THRB: variants seen among roughly 807,000 people sequenced by gnomAD.
THRB encodes the protein nuclear receptor subfamily 1 group A member 2.
Under a neutral mutation model 47.8 loss-of-function variants are expected in THRB, and 12 were observed. That is an observed-to-expected ratio of 0.25 (90% CI 0.16 to 0.41). The LOEUF (loss-of-function observed/expected upper bound fraction) is 0.41. Among genes scored for constraint, THRB ranks in the 10% least tolerant of loss-of-function variants. The pLI is 1.00. For synonymous variants in THRB, 218 were observed against 212.2 expected, an observed-to-expected ratio of 1.03 and a Z score of -0.24; for missense variants, 348 against 589.2, an observed-to-expected ratio of 0.59 and a Z score of 4.24.
chr3:24,264,993 A>G, intron 3 of THRB, among the ~76,000 whole-genome samples: 1 of 152,186 alleles, frequency 6.6e-6, no homozygotes, highest in East Asian at 1.9e-4. Flanking sequence ...CTATGAAGAA[A>G]ATAAAGCAGA....
chr3:24,234,144 T>C (rs948735224), intron 3 of THRB, among the ~76,000 whole-genome samples: 2 of 152,212 alleles, frequency 1.3e-5, no homozygotes, highest in African/African-American at 4.8e-5. Flanking sequence ...TCTCAACTAT[T>C]AGGGAGTGTG....
chr3:24,218,089 A>C (rs2046763840), intron 4 of THRB, among the ~76,000 whole-genome samples: 1 of 151,654 alleles, frequency 6.6e-6, no homozygotes, highest in Admixed American at 6.6e-5. Flanking sequence ...ATACCGTGAA[A>C]CCTCGTCTCT....
In THRB at chr3:24,341,930, G is replaced by C. The variant is rs1391287549; in HGVS notation, c.-260-4559C>G. Among the ~76,000 whole-genome samples the C allele has an allele frequency of 2.0e-5, 3 of 152,186 alleles. No individual in the cohort carries two copies. The East Asian group carries it at 5.8e-4, about 29-fold the overall frequency. On this transcript the variant is annotated intron_variant, in intron 1 of 10. Transcript: ENST00000646209. ...GTCCCATCCATATAAGACAGCCCAA[G>C]GAAGATGAGCAGAGTCACCTAGCTG...
At chr3:24,367,235 T>C (rs2064540973) in intron 1 of THRB, among the ~76,000 whole-genome samples, 1 of 152,146 alleles carries the variant, frequency 6.6e-6, no homozygotes. Context: ...TGAAGAGGGA[T>C]TGAGCATTTG....
chr3:24,393,768 A>C lies in THRB; in HGVS notation c.-260-56397T>G, dbSNP rs1241189010. Among the ~76,000 whole-genome samples the C allele has an allele frequency of 5.9e-5, 9 of 152,294 alleles. No homozygotes were observed. In the Middle Eastern group the frequency reaches 0.01, roughly 173 times the overall value. On this transcript the variant is annotated intron_variant, in intron 1 of 10. Coordinates refer to ENST00000646209, the MANE Select transcript of THRB (RefSeq NM_001354712.2). ...AAAGGTGAGGTCCTATCCTCTGCCA[A>C]AGAATGAAGACTTTACAACCACTTA...
intron 1 of THRB, among the ~76,000 whole-genome samples, chr3:24,417,937 A>T (rs2068896079): frequency 6.6e-6 from 1 of 151,916 alleles, no homozygotes. Context: ...GCAGAGTCAC[A>T]TTCAAACCCA....
rs188769429 is a variant in THRB at position 24,471,579 on chromosome 3, G to C, written c.-261+23073C>G. ...CCACACTCTGTAGTGGAGCATTTTG[G>C]CTCTCCTTCCCAGCTTTGTGGCCCT... On this transcript the variant is annotated intron_variant, in intron 1 of 10. Transcript: ENST00000646209. Among the ~76,000 whole-genome samples the C allele has an allele frequency of 4.0e-3, 610 of 152,096 alleles. 4 individuals carry two copies. Among genetic ancestry groups the C allele is most frequent in the Non-Finnish European group, 7.2e-3 (487 of 67,986 alleles).
At chr3:24,269,385 ACACG>A (rs1323082027) in intron 3 of THRB, among the ~76,000 whole-genome samples, 5 of 52,376 alleles carry the variant, frequency 9.5e-5, no homozygotes, top group Non-Finnish European at 1.6e-4. Flanking sequence ...ATCATAGCTC[ACACG>A]CGCGCGCGCG....
chr3:24,449,856 T>C (rs1302668959), intron 1 of THRB, among the ~76,000 whole-genome samples: 1 of 152,228 alleles, frequency 6.6e-6, no homozygotes, highest in South Asian at 2.1e-4. Flanking sequence ...AAGAAGATAC[T>C]AACTTGGCTC....
At chr3:24,345,688 A>C (rs2062967094) in intron 1 of THRB, among the ~76,000 whole-genome samples, 1 of 152,040 alleles carries the variant, frequency 6.6e-6, no homozygotes, top group South Asian at 2.1e-4. Flanking sequence ...GGCCCAGGGA[A>C]TTGGCAGATA....
chr3:24,451,023 C>T (rs1468352519), intron 1 of THRB, among the ~76,000 whole-genome samples: 1 of 152,054 alleles, frequency 6.6e-6, no homozygotes, highest in Non-Finnish European at 1.5e-5. Flanking sequence ...AATTTGGTTT[C>T]CCACACCCAG....
chr3:24,444,982 AG>A (rs1312492163), intron 1 of THRB, among the ~76,000 whole-genome samples: 1 of 152,202 alleles, frequency 6.6e-6, no homozygotes, highest in Non-Finnish European at 1.5e-5. Flanking sequence ...AAAATGAAAG[AG>A]TTAGGGGCCA....
At chr3:24,259,106 A>G (rs567747012) in intron 3 of THRB, among the ~76,000 whole-genome samples, 3 of 152,154 alleles carry the variant, frequency 2.0e-5, no homozygotes, top group Non-Finnish European at 4.4e-5. Flanking sequence ...TAACTCTTCC[A>G]TAAAGATTTA....
At chr3:24,259,926 C>T (rs1349780395) in intron 3 of THRB, among the ~76,000 whole-genome samples, 1 of 152,056 alleles carries the variant, frequency 6.6e-6, no homozygotes, top group African/African-American at 2.4e-5. Flanking sequence ...ATACAATTTA[C>T]CCACAGAAAG....
intron 1 of THRB, among the ~76,000 whole-genome samples, chr3:24,372,512 T>C (rs1295888978): frequency 2.0e-5 from 3 of 152,106 alleles, no homozygotes; most frequent in South Asian, 2.1e-4. Flanking sequence ...TCTGCATCCA[T>C]TGACATGCTC....
chr3:24,207,471 A>G (rs1056142577), intron 4 of THRB, among the ~76,000 whole-genome samples: 3 of 152,164 alleles, frequency 2.0e-5, no homozygotes, highest in Non-Finnish European at 2.9e-5. Flanking sequence ...ACTCTCAATA[A>G]ATTAGGTACT....
At chr3:24,272,250 G>A (rs1425856907) in intron 3 of THRB, among the ~76,000 whole-genome samples, 2 of 152,034 alleles carry the variant, frequency 1.3e-5, no homozygotes, top group African/African-American at 2.4e-5. Context: ...CAAGGCTGAG[G>A]TGGGAGTATC....
At chr3:24,348,180 A>G (rs2063141962) in intron 1 of THRB, among the ~76,000 whole-genome samples, 1 of 152,200 alleles carries the variant, frequency 6.6e-6, no homozygotes, top group Non-Finnish European at 1.5e-5. Flanking sequence ...TTGGTTTAAT[A>G]TTAGCTATCA....
intron 2 of THRB, among the ~76,000 whole-genome samples, chr3:24,315,459 C>T (rs111389924): frequency 3.3e-5 from 5 of 152,318 alleles, no homozygotes; most frequent in Non-Finnish European, 5.9e-5. Flanking sequence ...TGGTGACTGA[C>T]GCTTGGCTGG....
Sources: gnomAD v4.1 joint callset for allele counts (sites outside exome capture counted in the v4.1 genomes callset) on GRCh38, gnomAD v4.1.1 for gene constraint, MANE v1.5 for transcripts, NCBI Gene and HGNC (gene_info 2026-07-23, HGNC 2026-07-21) for gene names.